Variants in KLRG1 observed in about 807,000 individuals in gnomAD.
KLRG1 encodes the protein killer cell lectin like receptor G1, also known as killer cell lectin-like receptor subfamily G member 1.
In KLRG1, 16 loss-of-function variants were observed where a neutral mutation model predicts 21.8. That is an observed-to-expected ratio of 0.73 (90% CI 0.50 to 1.11). KLRG1 has a LOEUF of 1.11. Among genes scored for constraint, KLRG1 ranks in the 50% most tolerant of loss-of-function variants. KLRG1 has a pLI of 0.00. For synonymous variants in KLRG1, 69 were observed against 75.9 expected, an observed-to-expected ratio of 0.91 and a Z score of 0.47; for missense variants, 173 against 218.3, an observed-to-expected ratio of 0.79 and a Z score of 1.31.
chr12:9,157,235 C>T, the KLRG1 span: 2 of 1,614,016 alleles, frequency 1.2e-6, no homozygotes, highest in Non-Finnish European at 1.7e-6. Context: ...TTTTGCTTTC[C>T]CAGTAGGGAA....
At chr12:9,138,320 AC>A in the KLRG1 span, among the ~76,000 whole-genome samples, 2 of 151,996 alleles carry the variant, frequency 1.3e-5, no homozygotes, top group East Asian at 3.8e-4. Context: ...ACAAATTTAT[AC>A]ATACTGAACC....
At chr12:8,950,926 A>C (rs1258735017) in intron 1 of KLRG1, among the ~76,000 whole-genome samples, 2 of 151,988 alleles carry the variant, frequency 1.3e-5, no homozygotes, top group Non-Finnish European at 2.9e-5. Flanking sequence ...CCATGCTCTC[A>C]AGCACTACGC....
chr12:9,175,535 A>G, the KLRG1 span, among the ~76,000 whole-genome samples: 8 of 152,202 alleles, frequency 5.3e-5, no homozygotes, highest in Admixed American at 5.2e-4. Context: ...AACTTTAAGA[A>G]TGGGAGAAAA....
downstream of KLRG1, among the ~76,000 whole-genome samples, chr12:9,015,225 TA>T (rs1410674638): frequency 5.9e-5 from 9 of 152,038 alleles, no homozygotes; most frequent in East Asian, 1.7e-3. Flanking sequence ...GCTGAATGGA[TA>T]AAAACACAAG....
the KLRG1 span, chr12:9,089,995 C>G: frequency 6.3e-7 from 1 of 1,599,904 alleles, no homozygotes; most frequent in Non-Finnish European, 8.6e-7. Flanking sequence ...ACTCTAGTGC[C>G]TCTGCGCTCA....
At chr12:9,130,445 C>T in the KLRG1 span, among the ~76,000 whole-genome samples, 1 of 151,848 alleles carries the variant, frequency 6.6e-6, no homozygotes, top group Non-Finnish European at 1.5e-5. Context: ...TGTCCCCATC[C>T]TTGCCAACAC....
chr12:9,021,273 A>G, the KLRG1 span, among the ~76,000 whole-genome samples: 2 of 152,202 alleles, frequency 1.3e-5, no homozygotes, highest in African/African-American at 4.8e-5. Flanking sequence ...GCATTACTCC[A>G]CATTACTATA....
At chr12:9,164,325 TG>T in the KLRG1 span, 1 of 1,510,978 alleles carries the variant, frequency 6.6e-7, no homozygotes, top group South Asian at 1.2e-5. Flanking sequence ...CACATAGAAT[TG>T]GGGCCAAGTG....
At chr12:9,112,326 G>A in the KLRG1 span, 1 of 1,598,886 alleles carries the variant, frequency 6.3e-7, no homozygotes, top group Non-Finnish European at 8.6e-7. Context: ...ACATCCAGGG[G>A]AAGAAGATCT....
chr12:8,969,320 C>A (rs1946530085), intron 1 of KLRG1, among the ~76,000 whole-genome samples: 5 of 152,188 alleles, frequency 3.3e-5, no homozygotes, highest in African/African-American at 1.2e-4. Flanking sequence ...GTGGTACTCA[C>A]ACCTCTTTCT....
intron 1 of KLRG1, among the ~76,000 whole-genome samples, chr12:8,957,915 G>T (rs1946321670): frequency 6.6e-6 from 1 of 152,210 alleles, no homozygotes; most frequent in African/African-American, 2.4e-5. Context: ...GTTGACTACT[G>T]GTAACTGAAA....
chr12:8,968,908 A>G (rs1290140613), intron 1 of KLRG1, among the ~76,000 whole-genome samples: 1 of 152,266 alleles, frequency 6.6e-6, no homozygotes, highest in Non-Finnish European at 1.5e-5. Flanking sequence ...TTGAACAAAA[A>G]TGAAAACATT....
the KLRG1 span, among the ~76,000 whole-genome samples, chr12:9,175,837 G>C: frequency 6.7e-6 from 1 of 150,224 alleles, no homozygotes; most frequent in Non-Finnish European, 1.5e-5. Flanking sequence ...AGAGAAAAAG[G>C]AATGCTTTTT....
the KLRG1 span, chr12:9,152,823 C>G: frequency 6.2e-7 from 1 of 1,613,946 alleles, no homozygotes; most frequent in Admixed American, 1.7e-5. Flanking sequence ...GAACGTCTTA[C>G]CTGATGGTCA....
At chr12:9,202,672 A>G in the KLRG1 span, 3 of 1,613,788 alleles carry the variant, frequency 1.9e-6, no homozygotes, top group Non-Finnish European at 2.5e-6. Flanking sequence ...GAAGAGGCTG[A>G]GATCCTTGGG....
chr12:9,110,151 G>T, the KLRG1 span: 2 of 1,226,690 alleles, frequency 1.6e-6, no homozygotes, highest in South Asian at 1.5e-5. Flanking sequence ...TAGTAGTAAA[G>T]GGTGAGTAGA....
chr12:9,016,357 A>G, the KLRG1 span, among the ~76,000 whole-genome samples: 4 of 152,222 alleles, frequency 2.6e-5, no homozygotes, highest in East Asian at 7.7e-4. Context: ...TCAAAGGATG[A>G]TTAGAGGCTA....
the KLRG1 span, chr12:9,104,379 CT>C: frequency 6.3e-7 from 1 of 1,594,166 alleles, no homozygotes; most frequent in East Asian, 2.2e-5. Flanking sequence ...ATAGGGACGC[CT>C]TTCCCATCTA....
chr12:9,100,094 A>G, the KLRG1 span, among the ~76,000 whole-genome samples: 1 of 152,202 alleles, frequency 6.6e-6, no homozygotes, highest in Non-Finnish European at 1.5e-5. Context: ...AGTCTACTAG[A>G]CTAGGAGCAA....
Sources: allele counts gnomAD v4.1 joint callset (sites outside exome capture counted in the v4.1 genomes callset), GRCh38; gene constraint gnomAD v4.1.1; transcripts MANE v1.5; gene names NCBI Gene and HGNC (gene_info 2026-07-23, HGNC 2026-07-21).